DENND6A: variants seen among roughly 807,000 people sequenced by gnomAD.
DENND6A encodes DENN domain containing 6A, also known as protein DENND6A.
DENND6A carries 43 observed loss-of-function variants against 95.5 expected under a neutral mutation model. The ratio of observed to expected loss-of-function variants is 0.45; its 90% CI spans 0.35 to 0.58. The LOEUF is 0.58. DENND6A is among the 20% of genes least tolerant of loss of function. The probability of loss-of-function intolerance (pLI) is 0.00; values close to 1 mark genes in which losing one functional copy is unlikely to be tolerated. For missense variants in DENND6A, 574 were observed against 736.0 expected, an observed-to-expected ratio of 0.78 and a Z score of 2.55; for synonymous variants, 257 against 260.4, an observed-to-expected ratio of 0.99 and a Z score of 0.13.
intron 1 of DENND6A, among the ~76,000 whole-genome samples, chr3:57,680,692 C>A (rs180809063): frequency 6.6e-6 from 1 of 152,038 alleles, no homozygotes; most frequent in East Asian, 1.9e-4. Context: ...ATAAAGAACT[C>A]TTAAAATATA....
At chr3:57,651,466 T>G (rs923657110) in intron 9 of DENND6A, among the ~76,000 whole-genome samples, 13 of 152,008 alleles carry the variant, frequency 8.6e-5, no homozygotes, top group Non-Finnish European at 1.8e-4. Context: ...AACAGGCAAG[T>G]CCATAGAGAC....
At chr3:57,689,484 C>G (rs1489646225) in intron 1 of DENND6A, among the ~76,000 whole-genome samples, 4 of 152,114 alleles carry the variant, frequency 2.6e-5, no homozygotes, top group Non-Finnish European at 4.4e-5. Context: ...GCCTCCAGAG[C>G]CACTTCAGGG....
chr3:57,691,419 T>C (rs1199332317), intron 1 of DENND6A, among the ~76,000 whole-genome samples: 1 of 152,132 alleles, frequency 6.6e-6, no homozygotes, highest in Non-Finnish European at 1.5e-5. Context: ...AATTCTTGGT[T>C]CTCCTCTAAA....
Position 57,630,514 on chromosome 3 carries a change from T to C in DENND6A, c.1527A>G (p.Leu509=), listed in dbSNP as rs1342323298. The change falls in exon 18 of 20, where the codon CTA becomes CTG. Residue 509 remains leucine (L), a synonymous_variant. Transcript: ENST00000311128. ...ACCAGCCATCAAAATTTGGAGACTT[T>C]AGGAAATGCCTATAAAAATACATTT... ...GDWIGLYRHF[L]KSPNFDGWFK... The C allele has an allele frequency of 1.3e-6, 2 of 1,588,276 alleles. No homozygotes were observed. Among genetic ancestry groups the C allele is most frequent in the South Asian group, 2.4e-5 (2 of 85,012 alleles).
chr3:57,640,283 A>C (rs1265001307), intron 12 of DENND6A, among the ~76,000 whole-genome samples: 3 of 147,298 alleles, frequency 2.0e-5, no homozygotes, highest in Admixed American at 6.8e-5. Context: ...AAAAAAAACA[A>C]AAAAAAACAA....
intron 6 of DENND6A, among the ~76,000 whole-genome samples, 184 bp from the exon 7 acceptor site, chr3:57,661,023 A>G (rs1197791097): frequency 6.6e-6 from 1 of 152,194 alleles, no homozygotes; most frequent in African/African-American, 2.4e-5. Flanking sequence ...TCAGAAATAC[A>G]CATGTTCTAG....
chr3:57,657,666 T>G lies in DENND6A; in HGVS notation c.818+14A>C, dbSNP rs1358301380. ...GCAAAAGGAAGTCAGTTAATAAAAT[T>G]TTTTATTCTTTACCTGAAAATATCC... On this transcript the variant is annotated intron_variant, in intron 9 of 19. Transcript: ENST00000311128. 1 of 1,521,732 alleles carries G rather than the reference T, an allele frequency of 6.6e-7. No individual in the cohort carries two copies. The highest frequency in any genetic ancestry group is 9.0e-7 in the Non-Finnish European group (1 of 1,108,218). The allele number at this position is 1,521,732 out of a possible 1,614,324, so 94.3% of individuals were successfully genotyped here.
chr3:57,649,988 C>T (rs2071168511), intron 9 of DENND6A, among the ~76,000 whole-genome samples: 2 of 151,894 alleles, frequency 1.3e-5, no homozygotes, highest in African/African-American at 4.8e-5. Flanking sequence ...TAAAGGCATT[C>T]AGAGCGCCCT....
At position 57,645,714 on chromosome 3, in the gene DENND6A, A is replaced by T; in HGVS notation, c.984T>A (p.Tyr328Ter). 6.2e-7 allele frequency: 1 copy of T among 1,613,566 alleles called. No individual in the cohort carries two copies. Among genetic ancestry groups the T allele is most frequent in the Non-Finnish European group, 8.5e-7 (1 of 1,179,696 alleles). ...TGAATTCACTATCATGAATAGTGAA[A>T]TAAGGTCGGAAATCACTGAAGTACT... is the stretch of plus-strand genomic sequence containing the variant. ...PLKYFSDFRP[Y>*]FTIHDSEFKE... Residue 328 changes from tyrosine (Y) to a stop codon, truncating the protein, a stop_gained, in exon 11 of 20, where the codon TAT becomes TAA. Transcript: ENST00000311128. LOFTEE classifies it high-confidence loss of function.
chr3:57,672,206 A>G, intron 3 of DENND6A, 50 bp downstream of exon 3: 1 of 1,493,152 alleles, frequency 6.7e-7, no homozygotes, highest in Non-Finnish European at 9.2e-7. Flanking sequence ...CAGTATAACC[A>G]GTATTCTTAG....
At chr3:57,648,526 C>A (rs1389507447) in intron 9 of DENND6A, among the ~76,000 whole-genome samples, 1 of 152,126 alleles carries the variant, frequency 6.6e-6, no homozygotes, top group Non-Finnish European at 1.5e-5. Context: ...TCCTAAAATT[C>A]ATATGGAACC....
chr3:57,630,212 C>G, intron 18 of DENND6A: 1 of 473,316 alleles, frequency 2.1e-6, no homozygotes. Context: ...TCATAACACA[C>G]CTACCTCAAA....
At position 57,663,721 on chromosome 3, in the gene DENND6A, GAAGA is replaced by G. The variant is rs751938874; in HGVS notation, c.433-9_433-6del. 6.4e-7 allele frequency: 1 copy of G among 1,557,042 alleles called. No homozygotes were observed. Among genetic ancestry groups the G allele is most frequent in the Admixed American group, 1.8e-5 (1 of 55,054 alleles). ...ATAAAAATAAGCAGGATCCTTCTAA[GAAGA>G]AAGTGACAAGTAAGTGTGTGTGGGG... On this transcript the variant is annotated splice_region_variant and splice_polypyrimidine_tract_variant and intron_variant, in intron 4 of 19. Transcript: ENST00000311128.
chr3:57,686,648 A>C (rs2077214016), intron 1 of DENND6A, among the ~76,000 whole-genome samples: 1 of 152,188 alleles, frequency 6.6e-6, no homozygotes, highest in Admixed American at 6.5e-5. Context: ...GTGGTCTGTG[A>C]TAAGTTATCT....
chr3:57,665,765 G>A (rs1482708304), intron 4 of DENND6A, among the ~76,000 whole-genome samples: 5 of 152,030 alleles, frequency 3.3e-5, no homozygotes, highest in Admixed American at 3.3e-4. Flanking sequence ...AAATCAAAAA[G>A]AGACAACTAT....
chr3:57,637,189 C>A (rs2070814000), intron 12 of DENND6A, among the ~76,000 whole-genome samples: 1 of 152,120 alleles, frequency 6.6e-6, no homozygotes, highest in South Asian at 2.1e-4. Flanking sequence ...GAAACTAAAG[C>A]ATGGGCAGAA....
In DENND6A at chr3:57,645,750, A is replaced by C. The variant is rs376053583; in HGVS notation, c.948T>G (p.Ile316Met). 1 of 1,611,420 alleles carries C rather than the reference A, an allele frequency of 6.2e-7. No homozygotes were observed. Residue 316 changes from isoleucine to methionine, a missense_variant, in exon 11 of 20, where the codon ATT becomes ATG. Around this residue, in one of 2 missense-constraint regions of DENND6A, gnomAD observed 452 missense variants for 630.9 expected, o/e 0.72. Coordinates refer to ENST00000311128, the MANE Select transcript of DENND6A (RefSeq NM_152678.3). ...SETVLALVNC[I>M]SPLKYFSDFR... The stretch of plus-strand genomic sequence containing the variant: ...AATCACTGAAGTACTTTAATGGAGA[A>C]ATACAGCTGTGGAGCAGGAAGAACA...
intron 1 of DENND6A, among the ~76,000 whole-genome samples, chr3:57,683,535 G>A (rs1190622302): frequency 6.6e-6 from 1 of 152,188 alleles, no homozygotes; most frequent in Non-Finnish European, 1.5e-5. Flanking sequence ...CCACAGGACG[G>A]TAAAGCATTT....
intron 11 of DENND6A, 107 bp downstream of exon 11, chr3:57,645,554 T>A (rs946727380): frequency 8.2e-6 from 6 of 729,578 alleles, no homozygotes; most frequent in Non-Finnish European, 1.3e-5. Context: ...CCTCAAACTT[T>A]CCTTTTATAA....
Sources: gnomAD v4.1 joint callset for allele counts (sites outside exome capture counted in the v4.1 genomes callset) on GRCh38, gnomAD v4.1.1 for gene constraint, gnomAD v4.1.1 regional missense constraint, MANE v1.5 for transcripts, NCBI Gene and HGNC (gene_info 2026-07-23, HGNC 2026-07-21) for gene names.